GSN: variants seen among roughly 807,000 people sequenced by gnomAD.
The protein encoded by GSN is gelsolin.
In GSN, 56 loss-of-function variants were observed where a neutral mutation model predicts 85.7. The ratio of observed to expected loss-of-function variants is 0.65; its 90% CI spans 0.53 to 0.82. GSN has a LOEUF of 0.82. GSN is among the 40% of genes least tolerant of loss of function. GSN has a pLI of 0.00. For missense variants in GSN, 857 were observed against 979.8 expected, an observed-to-expected ratio of 0.87 and a Z score of 1.67; for synonymous variants, 373 against 399.1, an observed-to-expected ratio of 0.93 and a Z score of 0.78.
intron 7 of GSN, 60 bp from the exon 8 acceptor site, chr9:121,317,026 T>C (rs2061789585): frequency 6.2e-7 from 1 of 1,611,352 alleles, no homozygotes; most frequent in Admixed American, 1.7e-5. Context: ...ATGGTGGAAG[T>C]CTCAGGGCTG....
chr9:121,301,997 T>C lies in GSN; in HGVS notation c.26T>C (p.Leu9Pro), dbSNP rs1381677178. 7 of 1,614,062 alleles carry C rather than the reference T, an allele frequency of 4.3e-6. No homozygotes were observed. Among genetic ancestry groups the C allele is most frequent in the Non-Finnish European group, 5.9e-6 (7 of 1,179,998 alleles). Residue 9 changes from leucine (L) to proline (P), a missense_variant, in exon 3 of 18, where the codon CTC (leucine) becomes CCC (proline). Physicochemically the swap from Leu to Pro is moderately conservative, Grantham distance 98. Coordinates refer to ENST00000432226, the MANE Select transcript of GSN (RefSeq NM_198252.3). ...ATGGTGGTGGAACACCCCGAGTTCC[T>C]CAAGGCAGGGAAGGAGCCTGGCCTG... MVVEHPEFLKAGKEPGLQI... is the reference protein window; with the variant it reads MVVEHPEFPKAGKEPGLQI...
intron 1 of GSN, among the ~76,000 whole-genome samples, chr9:121,274,288 C>T (rs769487461): frequency 3.9e-5 from 6 of 152,214 alleles, no homozygotes; most frequent in East Asian, 1.9e-4. Context: ...AATGCCCACC[C>T]GAGTTTTCAT....
chr9:121,287,814 T>A (rs1439506705), intron 2 of GSN, among the ~76,000 whole-genome samples: 1 of 152,198 alleles, frequency 6.6e-6, no homozygotes, highest in Non-Finnish European at 1.5e-5. Context: ...TTTACAGAGT[T>A]ATGCAACCAT....
At chr9:121,317,058 G>T in intron 7 of GSN, 28 bp from the exon 8 acceptor site, 1 of 1,613,936 alleles carries the variant, frequency 6.2e-7, no homozygotes, top group South Asian at 1.1e-5. Flanking sequence ...ACACTCATGT[G>T]CTGGTTCCTT....
chr9:121,291,020 G>A (rs768257319), intron 2 of GSN, among the ~76,000 whole-genome samples: 14 of 150,764 alleles, frequency 9.3e-5, no homozygotes, highest in Non-Finnish European at 1.6e-4. Flanking sequence ...ATCCTCATTC[G>A]TGGATTCAAC....
In GSN at chr9:121,331,391, T is replaced by C; in HGVS notation, c.1969T>C (p.Phe657Leu). Residue 657 changes from phenylalanine to leucine, a missense_variant, in exon 17 of 18, where the codon TTT (phenylalanine) becomes CTT (leucine). By Grantham distance (22) the Phe-to-Leu change is conservative. Transcript: ENST00000432226. ...VMLLDTWDQV[F>L]VWVGKDSQEE... ...TCCTGTTGCATCTCACCTCCAGGTC[T>C]TTGTCTGGGTTGGAAAGGATTCTCA... 6.2e-7 allele frequency: 1 copy of C among 1,602,864 alleles called. No individual in the cohort carries two copies. Among genetic ancestry groups the C allele is most frequent in the Non-Finnish European group, 8.5e-7 (1 of 1,171,454 alleles).
chr9:121,242,831 G>A (rs2054631037), intron 5 of GSN, among the ~76,000 whole-genome samples: 1 of 152,102 alleles, frequency 6.6e-6, no homozygotes. Flanking sequence ...AACAGGGGAT[G>A]TAAGGCATGT....
Position 121,286,160 on chromosome 9 carries a change from C to G in GSN, c.-10+4598C>G. The G allele has an allele frequency of 1.3e-6, 2 of 1,535,140 alleles. 1 individual carries two copies. On this transcript the variant is annotated intron_variant, in intron 2 of 17. Transcript: ENST00000432226. ...AGCCTCGCGATGGCCGAGGAAGAAGCCCTCAGGGGCAATTCTGACCCATGG... is the reference window on the plus strand; with the variant it reads ...AGCCTCGCGATGGCCGAGGAAGAAGGCCTCAGGGGCAATTCTGACCCATGG...
intron 10 of GSN, among the ~76,000 whole-genome samples, chr9:121,319,992 C>T (rs2133714703): frequency 1.3e-5 from 2 of 152,270 alleles, no homozygotes; most frequent in African/African-American, 4.8e-5. Flanking sequence ...TTTGTTGCTT[C>T]AGTGGCTAGG....
upstream of GSN, among the ~76,000 whole-genome samples, chr9:121,264,377 C>T (rs1346986601): frequency 2.6e-5 from 4 of 152,066 alleles, no homozygotes; most frequent in African/African-American, 9.7e-5. Context: ...TGCTTGAGCC[C>T]AGAGGTCAAG....
intron 4 of GSN, among the ~76,000 whole-genome samples, chr9:121,303,821 G>A (rs2133254174): frequency 6.6e-6 from 1 of 152,192 alleles, no homozygotes; most frequent in Non-Finnish European, 1.5e-5. Context: ...CAAAGCTGGG[G>A]TTTTCCTTGG....
chr9:121,302,949 A>C lies in GSN; in HGVS notation c.235A>C (p.Ile79Leu), dbSNP rs766055612. 67 of 1,613,878 alleles carry C rather than the reference A, an allele frequency of 4.2e-5. No individual in the cohort carries two copies. The highest frequency in any genetic ancestry group is 5.5e-5 in the Non-Finnish European group (65 of 1,180,022). The change falls in exon 4 of 18, where the codon ATC becomes CTC. Residue 79 changes from isoleucine (I) to leucine (L), a missense_variant. By Grantham distance (5) the Ile-to-Leu change is conservative (BLOSUM62 2). Transcript: ENST00000432226. ...CSQDESGAAA[I>L]FTVQLDDYLN... ...CCAGGATGAGAGCGGGGCGGCCGCCATCTTTACCGTGCAGCTGGATGACTA... is the reference window on the plus strand; with the variant it reads ...CCAGGATGAGAGCGGGGCGGCCGCCCTCTTTACCGTGCAGCTGGATGACTA...
upstream of GSN, chr9:121,265,612 C>G (rs1056897476): frequency 6.6e-6 from 1 of 152,300 alleles, no homozygotes; most frequent in African/African-American, 2.4e-5. Context: ...AGCAGGTACC[C>G]CCAGATTGTC....
intron 11 of GSN, among the ~76,000 whole-genome samples, chr9:121,322,998 G>T (rs1564571111): frequency 6.6e-6 from 1 of 151,756 alleles, no homozygotes; most frequent in Non-Finnish European, 1.5e-5. Context: ...ACCACACCCG[G>T]CTACTTTTTA....
chr9:121,303,278 T>G (rs2060086186), intron 4 of GSN, among the ~76,000 whole-genome samples: 1 of 152,220 alleles, frequency 6.6e-6, no homozygotes, highest in Non-Finnish European at 1.5e-5. Context: ...CTCTGGTTCC[T>G]TATCTTAAAA....
chr9:121,218,363 G>A (rs567990631), intron 4 of GSN, among the ~76,000 whole-genome samples: 23 of 152,282 alleles, frequency 1.5e-4, no homozygotes, highest in South Asian at 4.1e-4. Context: ...GGCCAGGCTC[G>A]GTGGCTCATG....
At chr9:121,213,386 C>A (rs1474462486) in intron 4 of GSN, among the ~76,000 whole-genome samples, 11 of 152,226 alleles carry the variant, frequency 7.2e-5, no homozygotes, top group Admixed American at 5.9e-4. Context: ...ATCAGGCGTG[C>A]TCCACCAGAG....
chr9:121,326,559 T>G lies in GSN; in HGVS notation c.1464T>G (p.Phe488Leu). ...GKEPAHLMSL[F>L]GGKPMIIYKG... ...AGCCCGCCCACCTCATGAGCCTGTTTGGTGGGAAGCCCATGATCATCTACA... is the reference window on the plus strand; with the variant it reads ...AGCCCGCCCACCTCATGAGCCTGTTGGGTGGGAAGCCCATGATCATCTACA... Residue 488 changes from phenylalanine (F) to leucine (L), a missense_variant, in exon 13 of 18, where the codon TTT (phenylalanine) becomes TTG (leucine). Coordinates refer to ENST00000432226, the MANE Select transcript of GSN (RefSeq NM_198252.3). 6.2e-7 allele frequency: 1 copy of G among 1,614,040 alleles called. No homozygotes were observed. Among genetic ancestry groups the G allele is most frequent in the Non-Finnish European group, 8.5e-7 (1 of 1,180,006 alleles).
chr9:121,227,534 A>G (rs190191089), intron 4 of GSN, among the ~76,000 whole-genome samples: 48 of 152,166 alleles, frequency 3.2e-4, no homozygotes, highest in African/African-American at 1.0e-3. Context: ...AGTGTAGATG[A>G]TAACCTACTA....
Sources: gnomAD v4.1 joint callset for allele counts (sites outside exome capture counted in the v4.1 genomes callset) on GRCh38, gnomAD v4.1.1 for gene constraint, MANE v1.5 for transcripts, NCBI Gene and HGNC (gene_info 2026-07-23, HGNC 2026-07-21) for gene names.